Variants in NXPH1 observed in about 807,000 individuals in gnomAD.
The protein encoded by NXPH1 is neurexophilin-1.
NXPH1 carries 5 observed loss-of-function variants against 23.7 expected under a neutral mutation model. The observed-to-expected ratio is 0.21, with a 90% CI of 0.11 to 0.44. The LOEUF (loss-of-function observed/expected upper bound fraction) is 0.44. Ranked by LOEUF, NXPH1 falls within the 20% of genes least tolerant of loss-of-function variation. NXPH1 has a pLI of 0.99. For synonymous variants in NXPH1, 144 were observed against 122.2 expected (o/e 1.18, Z -1.18); for missense variants, 324 against 321.6 (o/e 1.01, Z -0.06).
intron 2 of NXPH1, among the ~76,000 whole-genome samples, chr7:8,677,139 C>A (rs975979132): frequency 3.3e-5 from 5 of 152,144 alleles, no homozygotes; most frequent in Admixed American, 6.6e-5. Flanking sequence ...TTGTTTCATA[C>A]TAATCTGGTA....
intron 2 of NXPH1, among the ~76,000 whole-genome samples, chr7:8,683,340 G>A (rs1223796156): frequency 1.3e-5 from 2 of 152,132 alleles, no homozygotes; most frequent in Non-Finnish European, 2.9e-5. Flanking sequence ...ACGAGATTTG[G>A]AGGAGAGAAA....
chr7:8,534,909 C>G (rs1228119422), intron 2 of NXPH1, among the ~76,000 whole-genome samples: 1 of 151,998 alleles, frequency 6.6e-6, no homozygotes, highest in African/African-American at 2.4e-5. Context: ...CTGTCTTGAG[C>G]ATTTGTCATC....
At chr7:8,590,296 T>C (rs1469889962) in intron 2 of NXPH1, among the ~76,000 whole-genome samples, 1 of 152,118 alleles carries the variant, frequency 6.6e-6, no homozygotes, top group African/African-American at 2.4e-5. Context: ...AGTCTAGGTC[T>C]AGGCTACCAG....
intron 2 of NXPH1, among the ~76,000 whole-genome samples, chr7:8,720,144 T>C (rs1476245532): frequency 5.4e-5 from 3 of 55,670 alleles, no homozygotes; most frequent in Admixed American, 3.7e-4. Context: ...ATGCCTCTAC[T>C]TGGTTAAGTG....
chr7:8,715,756 C>T (rs1452024170), intron 2 of NXPH1, among the ~76,000 whole-genome samples: 1 of 152,004 alleles, frequency 6.6e-6, no homozygotes, highest in Non-Finnish European at 1.5e-5. Context: ...CTTGTAATTA[C>T]AATGCAAAAG....
rs1028156715 is a variant in NXPH1 at position 8,752,560 on chromosome 7, A to G, written c.*791A>G. 3.9e-5 allele frequency: 6 copies of G among 152,682 alleles called. No homozygotes were observed. Among genetic ancestry groups the G allele is most frequent in the Middle Eastern group, 3.4e-3 (1 of 294 alleles). The allele number at this position is 152,682 out of a possible 1,614,324, so 9.5% of individuals were successfully genotyped here. ...GCTTAAAATAAGTTCTGATCATTAT[A>G]TAAGAAGGGAAATGCCTGGCAGACA... On this transcript the variant is annotated 3_prime_UTR_variant, in exon 3 of 3. Transcript: ENST00000405863.
At chr7:8,618,545 A>G (rs1819795739) in intron 2 of NXPH1, among the ~76,000 whole-genome samples, 1 of 152,190 alleles carries the variant, frequency 6.6e-6, no homozygotes. Context: ...TATTGGCAGA[A>G]AGAGGACAAA....
At chr7:8,730,542 A>T (rs1011206041) in intron 2 of NXPH1, among the ~76,000 whole-genome samples, 33 of 151,888 alleles carry the variant, frequency 2.2e-4, no homozygotes, top group African/African-American at 7.5e-4. Context: ...CCTGGTGGTG[A>T]CAAAATCTCT....
chr7:8,721,571 C>G (rs1477162626), intron 2 of NXPH1, among the ~76,000 whole-genome samples: 4 of 151,936 alleles, frequency 2.6e-5, no homozygotes, highest in African/African-American at 7.3e-5. Flanking sequence ...GTCAGGAGAT[C>G]GAGACCATCC....
At chr7:8,526,748 C>T (rs917806511) in intron 2 of NXPH1, among the ~76,000 whole-genome samples, 5 of 152,126 alleles carry the variant, frequency 3.3e-5, no homozygotes, top group Non-Finnish European at 7.4e-5. Context: ...GTGCCTTTTA[C>T]CTCCTGCCAT....
chr7:8,501,770 A>T lies in NXPH1; in HGVS notation c.54+66003A>T, dbSNP rs77965502. ...AAATGAAAACCAGTGCAGCAAGTAA[A>T]GATAGGGCTGTCATAGCTCCCCAAT... On this transcript the variant is annotated intron_variant, in intron 2 of 2. Transcript: ENST00000405863. Among the ~76,000 whole-genome samples, 429 of 152,158 alleles carry T rather than the reference A, an allele frequency of 2.8e-3. 14 individuals carry two copies. In the East Asian group the frequency reaches 0.076, roughly 27 times the overall value.
intron 2 of NXPH1, among the ~76,000 whole-genome samples, chr7:8,666,425 A>G (rs999681452): frequency 6.6e-6 from 1 of 151,946 alleles, no homozygotes; most frequent in African/African-American, 2.4e-5. Flanking sequence ...ATGCTGCATA[A>G]GTTCTTTGCT....
At chr7:8,663,417 T>C (rs1047317865) in intron 2 of NXPH1, among the ~76,000 whole-genome samples, 6 of 152,114 alleles carry the variant, frequency 3.9e-5, no homozygotes, top group African/African-American at 1.4e-4. Context: ...AGCCCCATTG[T>C]AGATTAATTC....
chr7:8,561,937 G>A lies in NXPH1; in HGVS notation c.54+126170G>A, dbSNP rs76272211. 1.7e-3 allele frequency among the ~76,000 whole-genome samples: 251 copies of A among 151,748 alleles called. 2 individuals are homozygous for A. The highest frequency in any genetic ancestry group is 5.7e-3 in the African/African-American group (236 of 41,472). On this transcript the variant is annotated intron_variant, in intron 2 of 2. Coordinates refer to ENST00000405863, the MANE Select transcript of NXPH1 (RefSeq NM_152745.3). ...TATATATTTAACAACATGATGTTTC[G>A]ATATACATATACATAGTGAAACGGT... is the stretch of plus-strand genomic sequence containing the variant.
intron 2 of NXPH1, among the ~76,000 whole-genome samples, chr7:8,539,762 AAAAT>A (rs1257596988): frequency 2.6e-4 from 39 of 151,966 alleles, no homozygotes; most frequent in Admixed American, 2.2e-3. Context: ...TATAATTTTT[AAAAT>A]AAATAGATAC....
intron 2 of NXPH1, among the ~76,000 whole-genome samples, chr7:8,715,871 G>C (rs535950234): frequency 6.6e-6 from 1 of 152,248 alleles, no homozygotes; most frequent in South Asian, 2.1e-4. Flanking sequence ...ATCCTGACTT[G>C]AAATCTTAGT....
At chr7:8,682,994 G>A (rs774765795) in intron 2 of NXPH1, among the ~76,000 whole-genome samples, 1 of 152,176 alleles carries the variant, frequency 6.6e-6, no homozygotes, top group Non-Finnish European at 1.5e-5. Flanking sequence ...ATATTTTTCT[G>A]TTTTGCATTA....
chr7:8,741,385 C>T (rs1370790684), intron 2 of NXPH1, among the ~76,000 whole-genome samples: 1 of 152,000 alleles, frequency 6.6e-6, no homozygotes, highest in Non-Finnish European at 1.5e-5. Flanking sequence ...TTTTGAGACC[C>T]TGATTTCATT....
chr7:8,653,658 A>G (rs1008968894), intron 2 of NXPH1, among the ~76,000 whole-genome samples: 11 of 152,192 alleles, frequency 7.2e-5, no homozygotes, highest in Non-Finnish European at 1.6e-4. Flanking sequence ...CATAACTTCA[A>G]TTTCTGTCCT....
Sources: gnomAD v4.1 joint callset for allele counts (sites outside exome capture counted in the v4.1 genomes callset) on GRCh38, gnomAD v4.1.1 for gene constraint, MANE v1.5 for transcripts, NCBI Gene and HGNC (gene_info 2026-07-23, HGNC 2026-07-21) for gene names.